DGKB: variants seen among roughly 807,000 people sequenced by gnomAD.
The protein encoded by DGKB is diacylglycerol kinase beta.
DGKB carries 67 observed loss-of-function variants against 114.3 expected under a neutral mutation model. The observed-to-expected ratio is 0.59, with a 90% confidence interval of 0.48 to 0.72. The LOEUF is 0.72. Ranked by LOEUF, DGKB falls within the 30% of genes least tolerant of loss-of-function variation. DGKB has a pLI of 0.00. For synonymous variants in DGKB, 398 were observed against 323.1 expected, an observed-to-expected ratio of 1.23 and a Z score of -2.49; for missense variants, 907 against 975.2, an observed-to-expected ratio of 0.93 and a Z score of 0.93.
chr7:14,211,359 A>ATTT (rs1420432646), intron 23 of DGKB, among the ~76,000 whole-genome samples: 3 of 106,086 alleles, frequency 2.8e-5, no homozygotes, highest in Admixed American at 1.1e-4. Flanking sequence ...ATGTTTTGTG[A>ATTT]TATTTACTCT....
intron 23 of DGKB, among the ~76,000 whole-genome samples, chr7:14,273,591 A>G (rs967488658): frequency 2.0e-5 from 3 of 152,318 alleles, no homozygotes; most frequent in African/African-American, 4.8e-5. Flanking sequence ...TAGTTTTGAG[A>G]ATAATTTGGG....
intron 2 of DGKB, among the ~76,000 whole-genome samples, chr7:14,837,948 G>A (rs1234470401): frequency 6.6e-6 from 1 of 152,000 alleles, no homozygotes; most frequent in Non-Finnish European, 1.5e-5. Flanking sequence ...CATGGAATTG[G>A]CACTATTTCT....
At chr7:14,449,833 T>C (rs1195191402) in intron 21 of DGKB, among the ~76,000 whole-genome samples, 1 of 152,106 alleles carries the variant, frequency 6.6e-6, no homozygotes. Flanking sequence ...TTGTCTCTTG[T>C]ATCAAAATGT....
chr7:14,370,722 G>T (rs535492685), intron 21 of DGKB, among the ~76,000 whole-genome samples: 17 of 152,180 alleles, frequency 1.1e-4, no homozygotes, highest in African/African-American at 3.9e-4. Context: ...TGTTACATGG[G>T]TATATTGCAT....
intron 2 of DGKB, among the ~76,000 whole-genome samples, chr7:14,829,147 G>T (rs1209795862): frequency 6.6e-6 from 1 of 151,960 alleles, no homozygotes; most frequent in Non-Finnish European, 1.5e-5. Flanking sequence ...ATGGGTAGGG[G>T]TGCATCATGG....
chr7:14,776,780 T>G, intron 2 of DGKB, among the ~76,000 whole-genome samples: 1 of 152,196 alleles, frequency 6.6e-6, no homozygotes, highest in East Asian at 1.9e-4. Context: ...GTTAGAGCCC[T>G]TATACAGCAC....
intron 20 of DGKB, among the ~76,000 whole-genome samples, chr7:14,518,107 T>C (rs988316256): frequency 1.3e-5 from 2 of 152,114 alleles, no homozygotes; most frequent in African/African-American, 2.4e-5. Flanking sequence ...GTGGTACATA[T>C]ACACTATGGA....
intron 20 of DGKB, among the ~76,000 whole-genome samples, chr7:14,485,724 A>C: frequency 9.2e-6 from 1 of 109,266 alleles, no homozygotes. Context: ...ATCTCTACTA[A>C]AAATACAGAA....
chr7:14,428,943 C>T (rs1427382642), intron 21 of DGKB, among the ~76,000 whole-genome samples: 1 of 151,938 alleles, frequency 6.6e-6, no homozygotes, highest in Non-Finnish European at 1.5e-5. Flanking sequence ...TTTATCTGAA[C>T]AAATGACCAT....
chr7:14,542,981 G>T (rs1173637159), intron 20 of DGKB, among the ~76,000 whole-genome samples: 1 of 152,202 alleles, frequency 6.6e-6, no homozygotes, highest in African/African-American at 2.4e-5. Context: ...TAAAGGGAAA[G>T]ATATGGATAT....
intron 2 of DGKB, among the ~76,000 whole-genome samples, chr7:14,778,114 A>T (rs1838482814): frequency 6.6e-6 from 1 of 152,220 alleles, no homozygotes; most frequent in Non-Finnish European, 1.5e-5. Flanking sequence ...GTGATTACTG[A>T]ACACCCTGTT....
chr7:14,449,034 C>T (rs1030485388), intron 21 of DGKB, among the ~76,000 whole-genome samples: 1 of 152,040 alleles, frequency 6.6e-6, no homozygotes, highest in African/African-American at 2.4e-5. Flanking sequence ...CTTAGGAACT[C>T]ACAACTACAT....
At position 14,390,244 on chromosome 7, in the gene DGKB, A is replaced by G. The variant is rs555469851; in HGVS notation, c.1836-44853T>C. 2.4e-4 allele frequency among the ~76,000 whole-genome samples: 37 copies of G among 152,306 alleles called. No homozygotes were observed. The South Asian group carries it at 5.6e-3, about 23-fold the overall frequency. On this transcript the variant is annotated intron_variant, in intron 21 of 25. Transcript: ENST00000402815. ...AATACTCCTGTGATTCTGAACAGTA[A>G]AAGCTATCAGAACTTTCCTGATGTA...
At chr7:14,645,970 A>G (rs1248806755) in intron 13 of DGKB, among the ~76,000 whole-genome samples, 1 of 152,178 alleles carries the variant, frequency 6.6e-6, no homozygotes, top group Non-Finnish European at 1.5e-5. Context: ...AGAGAAACAA[A>G]ACAAATACAA....
At chr7:14,962,120 T>G (rs938135459) in intron 1 of DGKB, among the ~76,000 whole-genome samples, 2 of 152,168 alleles carry the variant, frequency 1.3e-5, no homozygotes, top group African/African-American at 4.8e-5. Context: ...GACACAAGTG[T>G]ATAATTCTCA....
intron 21 of DGKB, among the ~76,000 whole-genome samples, chr7:14,426,469 C>A (rs1205034266): frequency 6.6e-6 from 1 of 152,006 alleles, no homozygotes; most frequent in East Asian, 1.9e-4. Flanking sequence ...CTTCATAGCA[C>A]AATAAAGTCA....
intron 2 of DGKB, among the ~76,000 whole-genome samples, chr7:14,839,879 C>A (rs1383634536): frequency 2.0e-5 from 3 of 151,354 alleles, no homozygotes; most frequent in African/African-American, 7.3e-5. Flanking sequence ...AACTTCCTTA[C>A]AAATACCCAG....
intron 21 of DGKB, among the ~76,000 whole-genome samples, chr7:14,412,114 G>C (rs1340043461): frequency 6.6e-6 from 1 of 152,150 alleles, no homozygotes; most frequent in Non-Finnish European, 1.5e-5. Flanking sequence ...ATGCATGTGT[G>C]ATTGTGTATG....
intron 21 of DGKB, among the ~76,000 whole-genome samples, chr7:14,426,198 G>C (rs572860207): frequency 6.6e-6 from 1 of 152,128 alleles, no homozygotes; most frequent in Non-Finnish European, 1.5e-5. Context: ...TTACCTACAG[G>C]CCTGGAAGAC....
Sources: gnomAD v4.1 joint callset for allele counts (sites outside exome capture counted in the v4.1 genomes callset) on GRCh38, gnomAD v4.1.1 for gene constraint, MANE v1.5 for transcripts, NCBI Gene and HGNC (gene_info 2026-07-23, HGNC 2026-07-21) for gene names.